The following DLGAP2 variants were observed in gnomAD, a reference collection of about 807,000 sequenced individuals.
The protein encoded by DLGAP2 is disks large-associated protein 2.
In DLGAP2, 26 loss-of-function variants were observed where a neutral mutation model predicts 100.3. That is an observed-to-expected ratio of 0.26 (90% CI 0.19 to 0.36). The LOEUF is 0.36. Among genes scored for constraint, DLGAP2 ranks in the 10% least tolerant of loss-of-function variants. The pLI is 1.00. For missense variants in DLGAP2, 1,858 were observed against 1,453.2 expected (o/e 1.28, Z -4.53); for synonymous variants, 886 against 630.1 (o/e 1.41, Z -6.08).
intron 3 of DLGAP2, among the ~76,000 whole-genome samples, chr8:1,376,727 G>A (rs924573313): frequency 1.3e-4 from 19 of 148,084 alleles, no homozygotes; most frequent in Non-Finnish European, 1.2e-4. Context: ...ACCTGAGCCC[G>A]GTGGGATGTG....
At chr8:752,479 G>C (rs543231472) in intron 1 of DLGAP2, among the ~76,000 whole-genome samples, 1 of 152,324 alleles carries the variant, frequency 6.6e-6, no homozygotes, top group Non-Finnish European at 1.5e-5. Context: ...CCGCCAGGCA[G>C]AGGCCTGATG....
At chr8:980,875 G>A (rs1332256284) in intron 2 of DLGAP2, among the ~76,000 whole-genome samples, 1 of 152,122 alleles carries the variant, frequency 6.6e-6, no homozygotes, top group Non-Finnish European at 1.5e-5. Context: ...AGGAACGCCT[G>A]GAATTCTAGA....
At chr8:883,602 A>G (rs550523419) in intron 1 of DLGAP2, among the ~76,000 whole-genome samples, 1 of 146,190 alleles carries the variant, frequency 6.8e-6, no homozygotes, top group African/African-American at 2.6e-5. Context: ...GTTACATAGG[A>G]ACGCGTGTGC....
chr8:1,254,925 G>T (rs866749470), intron 2 of DLGAP2, among the ~76,000 whole-genome samples: 1 of 150,784 alleles, frequency 6.6e-6, no homozygotes, highest in African/African-American at 2.4e-5. Flanking sequence ...CAGGTGCTGT[G>T]TGTGTGCCCT....
intron 1 of DLGAP2, among the ~76,000 whole-genome samples, chr8:837,615 C>T (rs920864122): frequency 6.6e-6 from 1 of 151,706 alleles, no homozygotes; most frequent in Non-Finnish European, 1.5e-5. Context: ...ATCCTGGCTT[C>T]CCAGGCTGGC....
chr8:1,551,987 C>A (rs1293949541), intron 5 of DLGAP2, among the ~76,000 whole-genome samples: 1 of 152,146 alleles, frequency 6.6e-6, no homozygotes, highest in Non-Finnish European at 1.5e-5. Flanking sequence ...TCTTTCCTCT[C>A]TTCCTCCCCC....
At chr8:1,075,266 G>A (rs1437851369) in intron 2 of DLGAP2, among the ~76,000 whole-genome samples, 1 of 152,176 alleles carries the variant, frequency 6.6e-6, no homozygotes, top group Non-Finnish European at 1.5e-5. Flanking sequence ...CTCTTGTTGA[G>A]GAGCGTGAGG....
chr8:813,331 G>C (rs551255917), intron 1 of DLGAP2, among the ~76,000 whole-genome samples: 1 of 152,050 alleles, frequency 6.6e-6, no homozygotes, highest in Non-Finnish European at 1.5e-5. Flanking sequence ...ATATAAATTA[G>C]GTGGGTGATA....
At chr8:1,218,226 G>A (rs1482177752) in intron 2 of DLGAP2, among the ~76,000 whole-genome samples, 1 of 152,070 alleles carries the variant, frequency 6.6e-6, no homozygotes, top group Non-Finnish European at 1.5e-5. Context: ...TTTAGGTTTT[G>A]CCTTTAAGGC....
chr8:1,349,873 T>A (rs1401043098), intron 3 of DLGAP2, among the ~76,000 whole-genome samples: 1 of 152,270 alleles, frequency 6.6e-6, no homozygotes, highest in Non-Finnish European at 1.5e-5. Context: ...TCAGTTACAT[T>A]GTATAGACTG....
At chr8:1,489,790 G>A (rs184321418) in intron 3 of DLGAP2, among the ~76,000 whole-genome samples, 129 of 152,216 alleles carry the variant, frequency 8.5e-4, no homozygotes, top group African/African-American at 3.0e-3. Context: ...CGTTACGATG[G>A]GAATTTCAAT....
At chr8:1,428,430 G>GA (rs1171327186) in intron 3 of DLGAP2, among the ~76,000 whole-genome samples, 3 of 152,092 alleles carry the variant, frequency 2.0e-5, no homozygotes, top group Admixed American at 6.5e-5. Flanking sequence ...GAGAGAGAGA[G>GA]AAAGAGTGAG....
chr8:1,696,520 G>C (rs1160924014), intron 13 of DLGAP2, among the ~76,000 whole-genome samples: 1 of 152,142 alleles, frequency 6.6e-6, no homozygotes, highest in Non-Finnish European at 1.5e-5. Context: ...CATAAATGTA[G>C]GCAGCTGGTG....
At chr8:954,342 T>G (rs1563112157) in intron 2 of DLGAP2, among the ~76,000 whole-genome samples, 1 of 152,202 alleles carries the variant, frequency 6.6e-6, no homozygotes, top group Non-Finnish European at 1.5e-5. Context: ...CCCTTTGACA[T>G]TTCTCCATCC....
chr8:769,433 C>T (rs370155180), intron 1 of DLGAP2, among the ~76,000 whole-genome samples: 65 of 151,946 alleles, frequency 4.3e-4, no homozygotes, highest in African/African-American at 1.4e-3. Context: ...CCATTAACCC[C>T]GAATACAGGA....
intron 3 of DLGAP2, among the ~76,000 whole-genome samples, chr8:1,487,601 C>A (rs944291152): frequency 1.3e-5 from 2 of 152,158 alleles, no homozygotes; most frequent in African/African-American, 4.8e-5. Flanking sequence ...TCCGTCTAAC[C>A]CAGATAACAC....
intron 3 of DLGAP2, among the ~76,000 whole-genome samples, chr8:1,392,784 G>C (rs377133672): frequency 6.1e-5 from 9 of 146,464 alleles, no homozygotes; most frequent in African/African-American, 2.3e-4. Flanking sequence ...CTTTCTTCGG[G>C]ATAATTGCAG....
chr8:901,708 C>G (rs1339530082), intron 1 of DLGAP2, among the ~76,000 whole-genome samples: 1 of 152,230 alleles, frequency 6.6e-6, no homozygotes, highest in South Asian at 2.1e-4. Flanking sequence ...CCAGCAAGAA[C>G]AGCCTCGATG....
At chr8:1,622,202 G>A (rs775794839) in intron 6 of DLGAP2, 4 of 152,242 alleles carry the variant, frequency 2.6e-5, no homozygotes, top group South Asian at 2.1e-4. Context: ...TGAATGCAGT[G>A]GAAGAAACAC....
Sources: gnomAD v4.1 joint callset for allele counts (sites outside exome capture counted in the v4.1 genomes callset) on GRCh38, gnomAD v4.1.1 for gene constraint, MANE v1.5 for transcripts, NCBI Gene and HGNC (gene_info 2026-07-23, HGNC 2026-07-21) for gene names.